Variants in CHST11 observed in about 807,000 individuals in gnomAD.
The protein encoded by CHST11 is C4S-1.
CHST11 carries 9 observed loss-of-function variants against 30.4 expected under a neutral mutation model. The ratio of observed to expected loss-of-function variants is 0.30; its 90% CI spans 0.18 to 0.52. The LOEUF is 0.52. Ranked by LOEUF, CHST11 falls within the 20% of genes least tolerant of loss-of-function variation. The pLI, the probability that CHST11 is intolerant of heterozygous loss-of-function variation, is 0.97. For synonymous variants in CHST11, 152 were observed against 187.8 expected (o/e 0.81, Z 1.56); for missense variants, 348 against 460.6 (o/e 0.76, Z 2.24).
At chr12:104,696,990 T>A (rs1237959932) in intron 2 of CHST11, among the ~76,000 whole-genome samples, 1 of 152,228 alleles carries the variant, frequency 6.6e-6, no homozygotes, top group Non-Finnish European at 1.5e-5. Flanking sequence ...ATCATATGAT[T>A]ATATTGCATT....
chr12:104,476,858 AG>A (rs1469866519), intron 1 of CHST11, among the ~76,000 whole-genome samples: 2 of 151,420 alleles, frequency 1.3e-5, no homozygotes, highest in Non-Finnish European at 2.9e-5. Flanking sequence ...ACTAGATTAT[AG>A]GCTTCTGGAG....
intron 1 of CHST11, among the ~76,000 whole-genome samples, chr12:104,555,564 C>T (rs1007675456): frequency 6.6e-6 from 1 of 152,056 alleles, no homozygotes; most frequent in Non-Finnish European, 1.5e-5. Flanking sequence ...AGCTGGTTCT[C>T]TCTGGTTTGG....
intron 2 of CHST11, among the ~76,000 whole-genome samples, chr12:104,634,601 C>G (rs2039305277): frequency 6.6e-6 from 1 of 152,316 alleles, no homozygotes; most frequent in South Asian, 2.1e-4. Context: ...TTTGCACTTA[C>G]AACTTCTTGG....
chr12:104,714,129 T>C (rs1487085444), intron 2 of CHST11, among the ~76,000 whole-genome samples: 1 of 152,222 alleles, frequency 6.6e-6, no homozygotes. Flanking sequence ...TGGATGTTTA[T>C]ATATGTATCT....
At position 104,638,853 on chromosome 12, in the gene CHST11, C is replaced by T. The variant is rs566424912; in HGVS notation, c.204+36862C>T. On this transcript the variant is annotated intron_variant, in intron 2 of 2. Coordinates refer to ENST00000303694, the MANE Select transcript of CHST11 (RefSeq NM_018413.6). ...CGCTTTTTTTCTGCTTCCTAGAACT[C>T]GAAAGGTACAGGCAGTCTGCAAAGT... is the stretch of plus-strand genomic sequence containing the variant. Among the ~76,000 whole-genome samples, 29 of 152,264 alleles carry T rather than the reference C, an allele frequency of 1.9e-4. No homozygotes were observed. In the East Asian group the frequency reaches 4.6e-3, roughly 24 times the overall value.
At chr12:104,619,431 C>G (rs969785117) in intron 2 of CHST11, among the ~76,000 whole-genome samples, 1 of 152,118 alleles carries the variant, frequency 6.6e-6, no homozygotes. Flanking sequence ...TTTTTGAGCT[C>G]TTCCCTGCCT....
At chr12:104,588,670 A>C (rs2038828959) in intron 1 of CHST11, among the ~76,000 whole-genome samples, 3 of 152,238 alleles carry the variant, frequency 2.0e-5, no homozygotes, top group Non-Finnish European at 4.4e-5. Flanking sequence ...ACCTAAGGTC[A>C]CTGTTCTAAA....
intron 2 of CHST11, among the ~76,000 whole-genome samples, chr12:104,636,408 G>A (rs572165677): frequency 3.3e-5 from 5 of 152,268 alleles, no homozygotes; most frequent in East Asian, 3.9e-4. Flanking sequence ...AGTTCTCTCC[G>A]TCTGTTCTCC....
intron 1 of CHST11, among the ~76,000 whole-genome samples, chr12:104,562,970 A>C (rs1307301976): frequency 6.6e-6 from 1 of 152,108 alleles, no homozygotes; most frequent in African/African-American, 2.4e-5. Flanking sequence ...CCATCTGTGA[A>C]ATGGGTATGG....
chr12:104,634,530 G>A (rs898042083), intron 2 of CHST11, among the ~76,000 whole-genome samples: 3 of 152,190 alleles, frequency 2.0e-5, no homozygotes, highest in South Asian at 2.1e-4. Context: ...TGCCCGACAC[G>A]TCTCGCACCA....
intron 1 of CHST11, among the ~76,000 whole-genome samples, chr12:104,598,885 A>C (rs932658357): frequency 6.2e-5 from 9 of 145,238 alleles, no homozygotes; most frequent in Non-Finnish European, 1.2e-4. Flanking sequence ...CAGCTGGCCT[A>C]GCTGAGTTGG....
chr12:104,497,245 G>A (rs367891475), intron 1 of CHST11, among the ~76,000 whole-genome samples: 6 of 152,294 alleles, frequency 3.9e-5, no homozygotes, highest in African/African-American at 1.4e-4. Context: ...AAATGATTAT[G>A]AGGTCATTAG....
Position 104,760,389 on chromosome 12 carries a change from G to A in CHST11, c.*2586G>A, listed in dbSNP as rs1453272716. 6.6e-6 allele frequency: 1 copy of A among 152,240 alleles called. No homozygotes were observed. Among genetic ancestry groups the A allele is most frequent in the African/African-American group, 2.4e-5 (1 of 41,432 alleles). The allele number at this position is 152,240 out of a possible 1,614,324, so 9.4% of individuals were successfully genotyped here. The stretch of plus-strand genomic sequence containing the variant: ...CAATTCTATCCCTCCCAGAGGGAGT[G>A]GAGGAAGTCTTGGGTGGTGTGGACA... On this transcript the variant is annotated 3_prime_UTR_variant, in exon 3 of 3. Transcript: ENST00000303694.
intron 1 of CHST11, among the ~76,000 whole-genome samples, chr12:104,527,636 T>G (rs1462789475): frequency 1.3e-5 from 2 of 152,222 alleles, no homozygotes; most frequent in Non-Finnish European, 1.5e-5. Context: ...TTTATTGAAT[T>G]AGTTAAGACT....
chr12:104,645,057 C>T (rs1335871714), intron 2 of CHST11, among the ~76,000 whole-genome samples: 9 of 152,180 alleles, frequency 5.9e-5, no homozygotes, highest in South Asian at 2.1e-4. Flanking sequence ...ACGCCATTCT[C>T]CTGCCTCAGC....
rs1355586039 is a variant in CHST11 at position 104,762,012 on chromosome 12, G to T, written c.*4209G>T. Reference sequence around the variant, plus strand: ...AACTTCAATTAAATTGAAGAAAAAAGAAGCTGCTTTCTGTGTATGGTTTGC... The same window carrying T: ...AACTTCAATTAAATTGAAGAAAAAATAAGCTGCTTTCTGTGTATGGTTTGC... On this transcript the variant is annotated 3_prime_UTR_variant, in exon 3 of 3. Coordinates refer to ENST00000303694, the MANE Select transcript of CHST11 (RefSeq NM_018413.6). The T allele has an allele frequency of 2.6e-5, 4 of 152,184 alleles. No homozygotes were observed. In the East Asian group the frequency reaches 7.7e-4, roughly 29 times the overall value. The allele number at this position is 152,184 out of a possible 1,614,324, so 9.4% of individuals were successfully genotyped here.
chr12:104,741,046 T>C (rs915548680), intron 2 of CHST11, among the ~76,000 whole-genome samples: 27 of 152,394 alleles, frequency 1.8e-4, no homozygotes, highest in Admixed American at 5.9e-4. Context: ...ATCACCCTTT[T>C]CTGAATTCTG....
intron 1 of CHST11, among the ~76,000 whole-genome samples, chr12:104,564,879 A>G (rs969885030): frequency 2.0e-5 from 3 of 152,206 alleles, no homozygotes; most frequent in Admixed American, 6.5e-5. Context: ...GGCAGGCAAG[A>G]GAGTGTGTGC....
rs546048066 is a variant in CHST11 at position 104,482,247 on chromosome 12, C to T, written c.118+24718C>T. Among the ~76,000 whole-genome samples, 12 of 151,534 alleles carry T rather than the reference C, an allele frequency of 7.9e-5. No individual in the cohort carries two copies. The East Asian group carries it at 1.2e-3, about 15-fold the overall frequency. On this transcript the variant is annotated intron_variant, in intron 1 of 2. Coordinates refer to ENST00000303694, the MANE Select transcript of CHST11 (RefSeq NM_018413.6). ...CCCCATCCCTTCTCTTTGCTGAAGA[C>T]GGTGTGTCATCTGGGGTAACCCTGG...
Sources: allele counts gnomAD v4.1 joint callset (sites outside exome capture counted in the v4.1 genomes callset), GRCh38; gene constraint gnomAD v4.1.1; transcripts MANE v1.5; gene names NCBI Gene and HGNC (gene_info 2026-07-23, HGNC 2026-07-21).